The following THRAP3 variants were observed in gnomAD, a reference collection of about 807,000 sequenced individuals.
The protein encoded by THRAP3 is thyroid hormone receptor-associated protein 3.
Under a neutral mutation model 101.0 loss-of-function variants are expected in THRAP3, and 16 were observed. That is an observed-to-expected ratio of 0.16 (90% CI 0.11 to 0.24). THRAP3 has a LOEUF of 0.24. THRAP3 is among the 10% of genes least tolerant of loss of function. The pLI is 1.00. For synonymous variants in THRAP3, 407 were observed against 422.6 expected, an observed-to-expected ratio of 0.96 and a Z score of 0.45; for missense variants, 989 against 1,202.7, an observed-to-expected ratio of 0.82 and a Z score of 2.63.
intron 2 of THRAP3, among the ~76,000 whole-genome samples, chr1:36,263,198 C>G (rs1570286188): frequency 1.3e-5 from 1 of 75,586 alleles, no homozygotes; most frequent in South Asian, 3.7e-4. Context: ...CTCCCAGGCT[C>G]AGGTGATCCT....
At chr1:36,296,401 G>T (rs556515516) in intron 8 of THRAP3, among the ~76,000 whole-genome samples, 182 bp from the exon 9 acceptor site, 1 of 152,250 alleles carries the variant, frequency 6.6e-6, no homozygotes, top group South Asian at 2.1e-4. Context: ...GTTCTGTGAG[G>T]GATCCTTATG....
intron 2 of THRAP3, among the ~76,000 whole-genome samples, chr1:36,279,087 G>C (rs2124570484): frequency 6.6e-6 from 1 of 152,262 alleles, no homozygotes; most frequent in Middle Eastern, 3.4e-3. Context: ...AATATGTGCA[G>C]AATTGTTAAG....
rs990321910 is a variant in THRAP3 at position 36,288,259 on chromosome 1, T to C, written c.1041-801T>C. 22 of 747,896 alleles carry C rather than the reference T, an allele frequency of 2.9e-5. No homozygotes were observed. In the African/African-American group the frequency reaches 4.0e-4, roughly 14 times the overall value. The allele number at this position is 747,896 out of a possible 1,614,324, so 46.3% of individuals were successfully genotyped here. On this transcript the variant is annotated intron_variant, in intron 4 of 11. Transcript: ENST00000354618. ...CTGAGGTTTTGGTGCACCCATCACCTGAGCAGTGTACACTGTACCCAGTGT... is the reference window on the plus strand; with the variant it reads ...CTGAGGTTTTGGTGCACCCATCACCCGAGCAGTGTACACTGTACCCAGTGT...
chr1:36,224,256 G>A (rs1200974241), upstream of THRAP3, among the ~76,000 whole-genome samples: 1 of 152,234 alleles, frequency 6.6e-6, no homozygotes, highest in African/African-American at 2.4e-5. Flanking sequence ...CCACGTGACC[G>A]CCGACAACCG....
chr1:36,225,924 C>T (rs915861395), intron 1 of THRAP3, among the ~76,000 whole-genome samples: 2 of 152,176 alleles, frequency 1.3e-5, no homozygotes, highest in Non-Finnish European at 2.9e-5. Context: ...GATTAAAAAC[C>T]TCTATATCCA....
intron 1 of THRAP3, among the ~76,000 whole-genome samples, chr1:36,257,242 C>T (rs1415096528): frequency 1.3e-5 from 2 of 152,128 alleles, no homozygotes; most frequent in African/African-American, 2.4e-5. Flanking sequence ...ATGAGAGAGG[C>T]CTTCCCTTAA....
At chr1:36,228,042 C>CT (rs1158538167) in intron 1 of THRAP3, among the ~76,000 whole-genome samples, 14,125 of 110,382 alleles carry the variant, frequency 0.13, 1,294 homozygotes, top group Middle Eastern at 0.22. Context: ...CACGTGGCCT[C>CT]TTTTTTTTTT....
chr1:36,223,794 G>C (rs1360306711), upstream of THRAP3, among the ~76,000 whole-genome samples: 4 of 152,164 alleles, frequency 2.6e-5, no homozygotes, highest in Non-Finnish European at 5.9e-5. Context: ...AGGCTGGGGA[G>C]AGGCGGTTTC....
chr1:36,301,734 CT>C, intron 11 of THRAP3, 38 bp downstream of exon 11: 1 of 1,586,044 alleles, frequency 6.3e-7, no homozygotes, highest in Non-Finnish European at 8.6e-7. Flanking sequence ...GTTAGAGGGC[CT>C]TTGACACACA....
At chr1:36,255,222 C>T (rs1333250340) in intron 1 of THRAP3, among the ~76,000 whole-genome samples, 2 of 152,114 alleles carry the variant, frequency 1.3e-5, no homozygotes, top group African/African-American at 4.8e-5. Flanking sequence ...CACATTAGTC[C>T]TCAAGTATTA....
intron 2 of THRAP3, 118 bp from the exon 3 acceptor site, chr1:36,282,415 A>C: frequency 3.9e-6 from 2 of 511,284 alleles, no homozygotes; most frequent in Non-Finnish European, 3.2e-6. Context: ...TTTTTTTTGT[A>C]GATATGGGGT....
chr1:36,242,381 G>A (rs1645171458), intron 1 of THRAP3, among the ~76,000 whole-genome samples: 1 of 151,806 alleles, frequency 6.6e-6, no homozygotes, highest in Non-Finnish European at 1.5e-5. Context: ...TTGAACTCCT[G>A]GGCTGAAGTG....
upstream of THRAP3, among the ~76,000 whole-genome samples, chr1:36,224,244 A>G (rs1570206922): frequency 6.6e-6 from 1 of 152,274 alleles, no homozygotes; most frequent in African/African-American, 2.4e-5. Flanking sequence ...GCCCCGAGCA[A>G]CCCACGTGAC....
the THRAP3 span, among the ~76,000 whole-genome samples, chr1:36,211,224 G>A: frequency 6.6e-6 from 1 of 152,054 alleles, no homozygotes; most frequent in African/African-American, 2.4e-5. Context: ...AACTGTGCCT[G>A]GTGGCACGCG....
At position 36,286,296 on chromosome 1, in the gene THRAP3, G is replaced by A; in HGVS notation, c.138-72G>A. 6.9e-7 allele frequency: 1 copy of A among 1,459,416 alleles called. No individual in the cohort carries two copies. The highest frequency in any genetic ancestry group is 9.2e-7 in the Non-Finnish European group (1 of 1,082,836). The allele number at this position is 1,459,416 out of a possible 1,614,324, so 90.4% of individuals were successfully genotyped here. Reference sequence around the variant, plus strand: ...ATGACACATAAGGGCAGGGATTTCAGAACAGATTTTTCTTGAATAAAAATG... The same window carrying A: ...ATGACACATAAGGGCAGGGATTTCAAAACAGATTTTTCTTGAATAAAAATG... On this transcript the variant is annotated intron_variant, in intron 3 of 11. Coordinates refer to ENST00000354618, the MANE Select transcript of THRAP3 (RefSeq NM_005119.4). This position sits in a 1 kb window ranked among gnomAD's most constrained non-coding sequence, Gnocchi z 5.5.
At chr1:36,226,331 C>T (rs751690244) in intron 1 of THRAP3, among the ~76,000 whole-genome samples, 55 of 152,210 alleles carry the variant, frequency 3.6e-4, no homozygotes, top group Non-Finnish European at 6.5e-4. Context: ...ACAATCTCGG[C>T]TCACTGCAAC....
the THRAP3 span, among the ~76,000 whole-genome samples, chr1:36,215,739 A>G: frequency 6.6e-6 from 1 of 151,964 alleles, no homozygotes; most frequent in South Asian, 2.1e-4. Flanking sequence ...TGCATGTCAC[A>G]AAAAGAATAT....
intron 1 of THRAP3, among the ~76,000 whole-genome samples, chr1:36,235,448 A>G (rs1645074013): frequency 6.6e-6 from 1 of 152,180 alleles, no homozygotes; most frequent in Non-Finnish European, 1.5e-5. Context: ...AAGATAGTGA[A>G]GGATGGTGTA....
chr1:36,251,298 C>T (rs1304223669), intron 1 of THRAP3, among the ~76,000 whole-genome samples: 1 of 152,160 alleles, frequency 6.6e-6, no homozygotes, highest in Non-Finnish European at 1.5e-5. Context: ...ATTATGAGTT[C>T]TTGACAGTTC....
Sources: gnomAD v4.1 joint callset for allele counts (sites outside exome capture counted in the v4.1 genomes callset) on GRCh38, gnomAD v4.1.1 for gene constraint, Gnocchi (gnomAD v3.1) non-coding constraint, MANE v1.5 for transcripts, NCBI Gene and HGNC (gene_info 2026-07-23, HGNC 2026-07-21) for gene names.